The following VAT1L variants were observed in gnomAD, a reference collection of about 807,000 sequenced individuals.
VAT1L encodes the protein vesicle amine transport 1 like, also known as putative NADPH-dependent quinone oxidoreductase VAT1L.
VAT1L carries 34 observed loss-of-function variants against 44.1 expected under a neutral mutation model. The observed-to-expected ratio is 0.77, with a 90% CI of 0.59 to 1.03. The LOEUF is 1.03. VAT1L is among the 50% of genes least tolerant of loss of function. The pLI is 0.00. For synonymous variants in VAT1L, 253 were observed against 202.2 expected (o/e 1.25, Z -2.13); for missense variants, 615 against 538.8 (o/e 1.14, Z -1.40).
At chr16:77,820,701 A>G (rs2016437862) in intron 2 of VAT1L, among the ~76,000 whole-genome samples, 1 of 152,150 alleles carries the variant, frequency 6.6e-6, no homozygotes, top group Non-Finnish European at 1.5e-5. Context: ...TCCAGCTTCA[A>G]TTTTCCAATC....
chr16:77,817,703 C>G (rs950879457), intron 2 of VAT1L, among the ~76,000 whole-genome samples: 1 of 152,046 alleles, frequency 6.6e-6, no homozygotes, highest in African/African-American at 2.4e-5. Flanking sequence ...ATAATAAAAC[C>G]TTTTTTAATT....
At chr16:77,792,919 A>G (rs897177054) in intron 1 of VAT1L, among the ~76,000 whole-genome samples, 1 of 152,220 alleles carries the variant, frequency 6.6e-6, no homozygotes, top group African/African-American at 2.4e-5. Context: ...GGTGCTTAGC[A>G]AGCAGTCAAA....
At chr16:77,968,736 CAAACAAAA>C (rs888105529) in intron 7 of VAT1L, among the ~76,000 whole-genome samples, 4 of 151,584 alleles carry the variant, frequency 2.6e-5, no homozygotes, top group African/African-American at 9.7e-5. Flanking sequence ...AACAAACAAA[CAAACAAAA>C]AGAGCATGGG....
intron 7 of VAT1L, among the ~76,000 whole-genome samples, chr16:77,903,608 C>T (rs1188901672): frequency 6.6e-6 from 1 of 152,070 alleles, no homozygotes; most frequent in Non-Finnish European, 1.5e-5. Context: ...ACCACCCTAT[C>T]TAGACTTGGA....
chr16:77,808,723 G>A (rs2016208257), intron 1 of VAT1L, among the ~76,000 whole-genome samples: 1 of 151,932 alleles, frequency 6.6e-6, no homozygotes, highest in Non-Finnish European at 1.5e-5. Context: ...AGCCTCCCAC[G>A]TAGCTAGGAT....
intron 7 of VAT1L, among the ~76,000 whole-genome samples, chr16:77,946,789 T>G (rs968021780): frequency 6.6e-6 from 1 of 152,160 alleles, no homozygotes; most frequent in Non-Finnish European, 1.5e-5. Context: ...CCCTTCCTTG[T>G]GACTCTAGAG....
At chr16:77,931,695 A>C (rs1001926554) in intron 7 of VAT1L, among the ~76,000 whole-genome samples, 2 of 152,262 alleles carry the variant, frequency 1.3e-5, no homozygotes, top group Non-Finnish European at 1.5e-5. Context: ...ATGAAGTCTG[A>C]ATATGTAGTG....
At chr16:77,838,692 T>C (rs1018675355) in intron 3 of VAT1L, among the ~76,000 whole-genome samples, 2 of 151,928 alleles carry the variant, frequency 1.3e-5, no homozygotes, top group African/African-American at 4.8e-5. Flanking sequence ...TTTGTCTTTC[T>C]GTCCATTTCC....
At chr16:77,973,770 G>A (rs2018305954) in intron 8 of VAT1L, among the ~76,000 whole-genome samples, 1 of 151,692 alleles carries the variant, frequency 6.6e-6, no homozygotes, top group African/African-American at 2.4e-5. Flanking sequence ...CTGTCGCCCA[G>A]GCTGGAGTGC....
At chr16:77,791,132 G>C (rs765213891) in intron 1 of VAT1L, among the ~76,000 whole-genome samples, 57 of 152,214 alleles carry the variant, frequency 3.7e-4, no homozygotes, top group South Asian at 8.3e-4. Flanking sequence ...CCACTGGGCA[G>C]CTCCTTCTCC....
intron 3 of VAT1L, among the ~76,000 whole-genome samples, chr16:77,854,593 T>C (rs2016839849): frequency 6.6e-6 from 1 of 152,224 alleles, no homozygotes; most frequent in South Asian, 2.1e-4. Flanking sequence ...ATGTACTTGA[T>C]TTTGTGATAA....
rs1597131377 is a variant in VAT1L, at chr16:77,977,895, C to A, written c.*200C>A. The A allele has an allele frequency of 7.1e-6, 4 of 561,802 alleles. No individual in the cohort carries two copies. The highest frequency in any genetic ancestry group is 9.7e-6 in the Non-Finnish European group (3 of 309,698). 34.8% of individuals were successfully genotyped at this position (561,802 alleles called of 1,614,324 possible). ...ATGCCATGCAGTATTATGTCCCTCT[C>A]CTATCTGTGTATTACACATTCCCCT... On this transcript the variant is annotated 3_prime_UTR_variant, in exon 9 of 9. Coordinates refer to ENST00000302536, the MANE Select transcript of VAT1L (RefSeq NM_020927.3).
chr16:77,862,352 C>T (rs977867055), intron 3 of VAT1L, among the ~76,000 whole-genome samples: 3 of 152,170 alleles, frequency 2.0e-5, no homozygotes, highest in African/African-American at 4.8e-5. Flanking sequence ...CAGTGGCTTG[C>T]GCCTGTAATC....
intron 7 of VAT1L, among the ~76,000 whole-genome samples, chr16:77,924,029 C>G (rs944370056): frequency 3.9e-5 from 6 of 151,974 alleles, no homozygotes; most frequent in Admixed American, 1.3e-4. Context: ...AGTTGCATCC[C>G]CACTGGTTCT....
rs1185042508 is a variant in VAT1L at position 77,842,303 on chromosome 16, G to C, written c.579+16842G>C. On this transcript the variant is annotated intron_variant, in intron 3 of 8. Coordinates refer to ENST00000302536, the MANE Select transcript of VAT1L (RefSeq NM_020927.3). ...GGAAACACACTCCTGTAGATCTATA[G>C]ATGGGTGCCCACTCAGTGTCTGGCC... Among the ~76,000 whole-genome samples the C allele has an allele frequency of 2.6e-5, 4 of 152,272 alleles. No individual in the cohort carries two copies. In the East Asian group the frequency reaches 7.7e-4, roughly 29 times the overall value.
At chr16:77,958,397 C>G (rs1424299823) in intron 7 of VAT1L, among the ~76,000 whole-genome samples, 1 of 152,194 alleles carries the variant, frequency 6.6e-6, no homozygotes, top group African/African-American at 2.4e-5. Context: ...GCAGGTCTTT[C>G]CAAGGGACTG....
chr16:77,935,829 T>G (rs2017788656), intron 7 of VAT1L, among the ~76,000 whole-genome samples: 1 of 152,174 alleles, frequency 6.6e-6, no homozygotes. Context: ...TGAGCTTCAG[T>G]TTTTTTCATT....
At chr16:77,974,336 T>G (rs1388592521) in intron 8 of VAT1L, among the ~76,000 whole-genome samples, 1 of 152,152 alleles carries the variant, frequency 6.6e-6, no homozygotes, top group Non-Finnish European at 1.5e-5. Context: ...AGGCCCATCC[T>G]GGAAGCTTAT....
chr16:77,977,636 G>C lies in VAT1L; in HGVS notation c.1201G>C (p.Glu401Gln). ...CACAGAGACCAGTGAAGCAGGGGAA[G>C]AGGAGGAGGACCACGAGGGAGACAG... is the stretch of plus-strand genomic sequence containing the variant. Reference protein sequence around the residue: ...DSTETSEAGEEEEDHEGDSEN... With the variant: ...DSTETSEAGEQEEDHEGDSEN... The change falls in exon 9 of 9, where the codon GAG becomes CAG. Residue 401 changes from glutamate (E) to glutamine (Q), a missense_variant. Transcript: ENST00000302536. 1 of 1,614,146 alleles carries C rather than the reference G, an allele frequency of 6.2e-7. No individual in the cohort carries two copies. Among genetic ancestry groups the C allele is most frequent in the Non-Finnish European group, 8.5e-7 (1 of 1,179,986 alleles).
Sources: allele counts gnomAD v4.1 joint callset (sites outside exome capture counted in the v4.1 genomes callset), GRCh38; gene constraint gnomAD v4.1.1; transcripts MANE v1.5; gene names NCBI Gene and HGNC (gene_info 2026-07-23, HGNC 2026-07-21).